Variants in ANK3 observed in about 807,000 individuals in gnomAD.
ANK3 encodes the protein ankyrin 3.
ANK3 carries 57 observed loss-of-function variants against 370.9 expected under a neutral mutation model. The ratio of observed to expected loss-of-function variants is 0.15; its 90% CI spans 0.12 to 0.19. The LOEUF is 0.19. ANK3 is among the 10% of genes least tolerant of loss of function. ANK3 has a pLI of 1.00. For synonymous variants in ANK3, 1,929 were observed against 1,946.3 expected, an observed-to-expected ratio of 0.99 and a Z score of 0.23; for missense variants, 4,439 against 5,302.1, an observed-to-expected ratio of 0.84 and a Z score of 5.06.
intron 42 of ANK3, among the ~76,000 whole-genome samples, chr10:60,052,644 A>ATCTT (rs2078299976): frequency 1.3e-5 from 2 of 152,210 alleles, no homozygotes; most frequent in Middle Eastern, 3.2e-3. Context: ...AGGGGAAAAT[A>ATCTT]TCTTTAGCTT....
At chr10:60,251,012 T>A (rs923082401) in intron 7 of ANK3, among the ~76,000 whole-genome samples, 6 of 152,206 alleles carry the variant, frequency 3.9e-5, no homozygotes, top group African/African-American at 1.4e-4. Context: ...TACTGTATCT[T>A]AGCACTAGCT....
chr10:60,077,630 G>C (rs960815209), intron 36 of ANK3, among the ~76,000 whole-genome samples: 1 of 152,158 alleles, frequency 6.6e-6, no homozygotes, highest in African/African-American at 2.4e-5. Flanking sequence ...ATGGATAAAA[G>C]CATATAGTTT....
chr10:60,593,482 CA>C (rs2077945336), intron 2 of ANK3, among the ~76,000 whole-genome samples: 1 of 152,150 alleles, frequency 6.6e-6, no homozygotes, highest in Admixed American at 6.5e-5. Context: ...AGCTTTAGGA[CA>C]AATAGCCTCC....
chr10:60,385,077 C>T (rs2062065786), intron 1 of ANK3, among the ~76,000 whole-genome samples: 1 of 152,140 alleles, frequency 6.6e-6, no homozygotes, highest in Non-Finnish European at 1.5e-5. Flanking sequence ...ACAGTCCTCT[C>T]TTCTACCACC....
At chr10:60,456,616 C>T (rs1458623237) in intron 2 of ANK3, among the ~76,000 whole-genome samples, 1 of 152,006 alleles carries the variant, frequency 6.6e-6, no homozygotes, top group African/African-American at 2.4e-5. Flanking sequence ...CTAATAATTC[C>T]CTACATTTGA....
chr10:60,091,165 C>A (rs1362950688), intron 28 of ANK3, among the ~76,000 whole-genome samples: 2 of 152,192 alleles, frequency 1.3e-5, no homozygotes, highest in Non-Finnish European at 2.9e-5. Context: ...CTTGGACCCC[C>A]AAAGTGTTGG....
At chr10:60,638,805 G>C (rs1274571556) in intron 1 of ANK3, among the ~76,000 whole-genome samples, 6 of 152,154 alleles carry the variant, frequency 3.9e-5, no homozygotes, top group Non-Finnish European at 8.8e-5. Context: ...AGATCAATGA[G>C]TTTGAAGACA....
At chr10:60,634,499 T>C (rs2078525519) in intron 1 of ANK3, among the ~76,000 whole-genome samples, 1 of 151,842 alleles carries the variant, frequency 6.6e-6, no homozygotes, top group South Asian at 2.1e-4. Flanking sequence ...CAATCAGCAC[T>C]CTGTAAAACG....
intron 2 of ANK3, among the ~76,000 whole-genome samples, chr10:60,439,027 A>T (rs1017200225): frequency 6.6e-6 from 1 of 152,180 alleles, no homozygotes; most frequent in Admixed American, 6.5e-5. Flanking sequence ...TTAAAATAAT[A>T]TTTTTTTCTC....
intron 38 of ANK3, 141 bp from the exon 39 acceptor site, chr10:60,064,429 A>G (rs2131947148): frequency 1.2e-6 from 1 of 858,728 alleles, no homozygotes; most frequent in Non-Finnish European, 1.7e-6. Flanking sequence ...TAATTTTTAT[A>G]TACTTGGCTT....
In ANK3 at chr10:60,410,046, C is replaced by G. The variant is rs181869434; in HGVS notation, c.97-130407G>C. 2.0e-4 allele frequency among the ~76,000 whole-genome samples: 30 copies of G among 152,192 alleles called. No homozygotes were observed. In the South Asian group the frequency reaches 4.2e-3, roughly 21 times the overall value. On this transcript the variant is annotated intron_variant, in intron 2 of 43. Coordinates refer to the ANK3 transcript ENST00000373827. ...ACCTAGATTATGCCTCCACAGTCTC[C>G]AAGAATCAGCTCAAGTATTGAATTT... is the stretch of plus-strand genomic sequence containing the variant.
chr10:60,667,861 G>C (rs1033945954), intron 1 of ANK3, among the ~76,000 whole-genome samples: 1 of 151,476 alleles, frequency 6.6e-6, no homozygotes. Context: ...TTCCTGGTTA[G>C]AGCAATGTTT....
chr10:60,615,933 T>C (rs528938502), intron 1 of ANK3, among the ~76,000 whole-genome samples: 82 of 152,312 alleles, frequency 5.4e-4, no homozygotes, highest in African/African-American at 1.9e-3. Context: ...CCTATCAGAA[T>C]ATAGTAATAT....
Position 60,371,308 on chromosome 10 carries a change from A to C in ANK3, c.114+18117T>G, listed in dbSNP as rs1019473285. ...CCAGAAAACTGCAAATCAAAACCAC[A>C]ATGAGGTCCACCTTATACAGTCAGA... On this transcript the variant is annotated intron_variant, in intron 1 of 43. Transcript: ENST00000280772. 2.6e-5 allele frequency among the ~76,000 whole-genome samples: 4 copies of C among 152,274 alleles called. No homozygotes were observed. The East Asian group carries it at 7.7e-4, about 29-fold the overall frequency.
chr10:60,402,940 G>T (rs1024824641), intron 2 of ANK3, among the ~76,000 whole-genome samples: 1 of 152,148 alleles, frequency 6.6e-6, no homozygotes, highest in Non-Finnish European at 1.5e-5. Context: ...GGGGTGGTTT[G>T]TTATGCAGTG....
Position 60,065,295 on chromosome 10 carries a change from G to A in ANK3, c.12320-1007C>T, listed in dbSNP as rs181686288. ...GGCTGCCTTGGAAGAGGGAAACTTA[G>A]GAGTCAGAGAAGGGAAGGAGACTTA... On this transcript the variant is annotated intron_variant, in intron 38 of 43. Coordinates refer to ENST00000280772, the MANE Select transcript of ANK3 (RefSeq NM_020987.5). Among the ~76,000 whole-genome samples the A allele has an allele frequency of 4.6e-5, 7 of 152,296 alleles. No homozygotes were observed. In the East Asian group the frequency reaches 1.3e-3, roughly 29 times the overall value.
chr10:60,663,541 C>T (rs2078961501), intron 1 of ANK3, among the ~76,000 whole-genome samples: 1 of 152,162 alleles, frequency 6.6e-6, no homozygotes, highest in Non-Finnish European at 1.5e-5. Flanking sequence ...GAGGGAAGCC[C>T]CAGGGTCTCA....
chr10:60,391,487 A>C (rs956093575), upstream of ANK3, among the ~76,000 whole-genome samples: 1 of 151,766 alleles, frequency 6.6e-6, no homozygotes, highest in Non-Finnish European at 1.5e-5. Context: ...CAGAGTAAAA[A>C]TTAAAACTTC....
At chr10:60,477,054 T>C (rs1189528425) in intron 2 of ANK3, among the ~76,000 whole-genome samples, 1 of 152,092 alleles carries the variant, frequency 6.6e-6, no homozygotes, top group African/African-American at 2.4e-5. Context: ...CTTCTATTCT[T>C]AAGTAAAGCA....
Sources: allele counts gnomAD v4.1 joint callset (sites outside exome capture counted in the v4.1 genomes callset), GRCh38; gene constraint gnomAD v4.1.1; transcripts MANE v1.5; gene names NCBI Gene and HGNC (gene_info 2026-07-23, HGNC 2026-07-21).